NUBPL: variants seen among roughly 807,000 people sequenced by gnomAD.
NUBPL encodes the protein iron-sulfur cluster transfer protein NUBPL.
A neutral mutation model predicts 45.7 loss-of-function variants in NUBPL; 31 were observed. That is an observed-to-expected ratio of 0.68 (90% CI 0.51 to 0.92). The LOEUF is 0.92. Ranked by LOEUF, NUBPL falls within the 40% of genes least tolerant of loss-of-function variation. The pLI, the probability that NUBPL is intolerant of heterozygous loss-of-function variation, is 0.00. For synonymous variants in NUBPL, 144 were observed against 140.9 expected, an observed-to-expected ratio of 1.02 and a Z score of -0.15; for missense variants, 401 against 398.7, an observed-to-expected ratio of 1.01 and a Z score of -0.05.
At chr14:31,736,105 A>G (rs1465748061) in intron 6 of NUBPL, among the ~76,000 whole-genome samples, 3 of 152,142 alleles carry the variant, frequency 2.0e-5, no homozygotes, top group East Asian at 1.9e-4. Context: ...TTTCCTCTCC[A>G]TTATAAATAA....
chr14:31,811,262 A>G (rs182038945), intron 7 of NUBPL, among the ~76,000 whole-genome samples: 9 of 152,298 alleles, frequency 5.9e-5, no homozygotes, highest in Admixed American at 2.0e-4. Flanking sequence ...CACCAATTAC[A>G]TGTAGACTTG....
intron 4 of NUBPL, among the ~76,000 whole-genome samples, chr14:31,615,081 G>A (rs916361823): frequency 6.6e-6 from 1 of 152,110 alleles, no homozygotes; most frequent in Admixed American, 6.6e-5. Flanking sequence ...GGACCTGGTG[G>A]GAGGTGACTG....
rs8021918 is a variant in NUBPL, at chr14:31,854,500, A to C, written c.897+4299A>C. 2.6e-5 allele frequency among the ~76,000 whole-genome samples: 4 copies of C among 152,158 alleles called. No homozygotes were observed. The South Asian group carries it at 8.3e-4, about 32-fold the overall frequency. On this transcript the variant is annotated intron_variant, in intron 10 of 10. Coordinates refer to ENST00000281081, the MANE Select transcript of NUBPL (RefSeq NM_025152.3). The stretch of plus-strand genomic sequence containing the variant: ...TTCATATGAGTTCTTCAATGAGATT[A>C]TAAATTTCTTGAGACTATAATGATA...
In NUBPL at chr14:31,711,022, C is replaced by T. The variant is rs182693942; in HGVS notation, c.513+37448C>T. ...TGATTTTTAGAAGCAGGACTAACCT[C>T]GGAGAAGAGAGGTGAGGGGAAGTTT... On this transcript the variant is annotated intron_variant, in intron 6 of 10. Transcript: ENST00000281081. Among the ~76,000 whole-genome samples, 8 of 152,242 alleles carry T rather than the reference C, an allele frequency of 5.3e-5. No homozygotes were observed. In the East Asian group the frequency reaches 9.7e-4, roughly 18 times the overall value.
intron 6 of NUBPL, among the ~76,000 whole-genome samples, chr14:31,692,016 A>T (rs1019746351): frequency 3.3e-5 from 5 of 152,222 alleles, no homozygotes; most frequent in Non-Finnish European, 5.9e-5. Context: ...TTGGGAAAAA[A>T]GCATGTCAGG....
At chr14:31,602,145 A>C (rs2034452289) in intron 4 of NUBPL, among the ~76,000 whole-genome samples, 1 of 152,138 alleles carries the variant, frequency 6.6e-6, no homozygotes. Context: ...AAGGACAAAA[A>C]ACCAAACACT....
At chr14:31,824,527 G>A (rs928501654) in intron 7 of NUBPL, among the ~76,000 whole-genome samples, 36 of 152,066 alleles carry the variant, frequency 2.4e-4, no homozygotes, top group Non-Finnish European at 5.9e-5. Context: ...AATTTATGAC[G>A]TTAATTTAAT....
intron 6 of NUBPL, among the ~76,000 whole-genome samples, chr14:31,762,371 C>T (rs2038830033): frequency 1.3e-5 from 2 of 152,124 alleles, no homozygotes; most frequent in Non-Finnish European, 2.9e-5. Context: ...TGAAGGACAT[C>T]AAATACCTTA....
intron 4 of NUBPL, among the ~76,000 whole-genome samples, chr14:31,637,541 G>C (rs1373893281): frequency 1.3e-5 from 2 of 152,154 alleles, no homozygotes; most frequent in Non-Finnish European, 2.9e-5. Context: ...GGTGTGGTGT[G>C]GTGCTGAAAA....
intron 6 of NUBPL, among the ~76,000 whole-genome samples, chr14:31,698,400 CG>C (rs2037260784): frequency 6.6e-6 from 1 of 150,584 alleles, no homozygotes; most frequent in African/African-American, 2.5e-5. Flanking sequence ...AAACTGATGG[CG>C]GCAGTTTTGG....
chr14:31,565,868 G>GA (rs1217965314), intron 3 of NUBPL, among the ~76,000 whole-genome samples: 3 of 150,514 alleles, frequency 2.0e-5, no homozygotes, highest in African/African-American at 4.9e-5. Flanking sequence ...CTTGGGAGAA[G>GA]AAAAAAAAAT....
At chr14:31,852,702 C>A (rs7148561) in intron 10 of NUBPL, among the ~76,000 whole-genome samples, 39,874 of 152,024 alleles carry the variant, frequency 0.26, 7,921 homozygotes, top group African/African-American at 0.56. Context: ...AGGGTAGCAG[C>A]ATTTGAATCA....
chr14:31,728,309 T>C (rs1166768264), intron 6 of NUBPL, among the ~76,000 whole-genome samples: 2 of 151,704 alleles, frequency 1.3e-5, no homozygotes, highest in African/African-American at 4.8e-5. Context: ...TATAAATTTA[T>C]TTATTATTAT....
intron 7 of NUBPL, among the ~76,000 whole-genome samples, chr14:31,808,037 A>G (rs1262555892): frequency 2.6e-5 from 4 of 152,178 alleles, no homozygotes; most frequent in African/African-American, 4.8e-5. Flanking sequence ...CTTGTACTAC[A>G]GTTTGAAGTC....
At chr14:31,615,224 A>G (rs1467820412) in intron 4 of NUBPL, among the ~76,000 whole-genome samples, 1 of 151,918 alleles carries the variant, frequency 6.6e-6, no homozygotes, top group Non-Finnish European at 1.5e-5. Context: ...CCTTGCTTCC[A>G]CTTTGCCTTC....
chr14:31,711,174 G>A (rs755074498), intron 6 of NUBPL, among the ~76,000 whole-genome samples: 4 of 152,100 alleles, frequency 2.6e-5, no homozygotes, highest in South Asian at 4.1e-4. Flanking sequence ...CTTGTTGTTC[G>A]GACCCCGGAG....
At chr14:31,692,171 CT>C (rs1469612660) in intron 6 of NUBPL, among the ~76,000 whole-genome samples, 2 of 152,068 alleles carry the variant, frequency 1.3e-5, no homozygotes. Flanking sequence ...CTTTTATTTT[CT>C]ATTTTGACTT....
At chr14:31,731,705 C>G (rs1237477733) in intron 6 of NUBPL, among the ~76,000 whole-genome samples, 1 of 152,150 alleles carries the variant, frequency 6.6e-6, no homozygotes, top group Admixed American at 6.6e-5. Context: ...ATTCTGAAAG[C>G]CTAGACTCAA....
chr14:31,657,726 A>G (rs1396224627), intron 4 of NUBPL, among the ~76,000 whole-genome samples: 1 of 151,996 alleles, frequency 6.6e-6, no homozygotes, highest in Non-Finnish European at 1.5e-5. Flanking sequence ...TGTCATTCAT[A>G]TTTTTCTAAC....
Sources: allele counts gnomAD v4.1 joint callset (sites outside exome capture counted in the v4.1 genomes callset), GRCh38; gene constraint gnomAD v4.1.1; transcripts MANE v1.5; gene names NCBI Gene and HGNC (gene_info 2026-07-23, HGNC 2026-07-21).